The following EXOC4 variants were observed in gnomAD, a reference collection of about 807,000 sequenced individuals.
EXOC4 encodes the protein SEC8-like 1.
EXOC4 carries 71 observed loss-of-function variants against 107.2 expected under a neutral mutation model. The ratio of observed to expected loss-of-function variants is 0.66; its 90% CI spans 0.55 to 0.81. The LOEUF is 0.81. Among genes scored for constraint, EXOC4 ranks in the 30% least tolerant of loss-of-function variants. The pLI is 0.00. For missense variants in EXOC4, 1,108 were observed against 1,189.6 expected, an observed-to-expected ratio of 0.93 and a Z score of 1.01; for synonymous variants, 456 against 441.2, an observed-to-expected ratio of 1.03 and a Z score of -0.42.
At chr7:133,261,865 C>T (rs1471583757) in intron 1 of EXOC4, among the ~76,000 whole-genome samples, 6 of 152,064 alleles carry the variant, frequency 3.9e-5, no homozygotes, top group Non-Finnish European at 7.4e-5. Context: ...ATCATTATTT[C>T]CTCTAATCCT....
chr7:133,489,044 A>T (rs902912747), intron 9 of EXOC4, among the ~76,000 whole-genome samples: 1 of 149,548 alleles, frequency 6.7e-6, no homozygotes, highest in African/African-American at 2.4e-5. Flanking sequence ...AATATATATA[A>T]AATCTAATGT....
At chr7:133,514,507 G>A (rs1248164727) in intron 9 of EXOC4, among the ~76,000 whole-genome samples, 1 of 152,032 alleles carries the variant, frequency 6.6e-6, no homozygotes, top group Non-Finnish European at 1.5e-5. Context: ...TTTTCTCCAT[G>A]TAATTTCTGA....
intron 10 of EXOC4, among the ~76,000 whole-genome samples, chr7:133,728,339 CTA>C (rs1197909109): frequency 1.3e-5 from 2 of 152,162 alleles, no homozygotes; most frequent in Non-Finnish European, 2.9e-5. Flanking sequence ...TTCTGTGACA[CTA>C]TGTACTGGGG....
intron 14 of EXOC4, among the ~76,000 whole-genome samples, chr7:133,970,773 C>G (rs1801202260): frequency 6.6e-6 from 1 of 151,830 alleles, no homozygotes; most frequent in Non-Finnish European, 1.5e-5. Flanking sequence ...AGCTACCAAC[C>G]CGAGCTGTTC....
intron 9 of EXOC4, among the ~76,000 whole-genome samples, chr7:133,516,564 T>A (rs1799879037): frequency 6.6e-6 from 1 of 152,108 alleles, no homozygotes; most frequent in Non-Finnish European, 1.5e-5. Flanking sequence ...ATTTTATATA[T>A]CTCTTCATGA....
intron 7 of EXOC4, among the ~76,000 whole-genome samples, chr7:133,380,313 G>T (rs1051748717): frequency 1.3e-5 from 2 of 151,744 alleles, no homozygotes; most frequent in Non-Finnish European, 2.9e-5. Context: ...TGGGGATTCT[G>T]TCTTTAAGTT....
intron 5 of EXOC4, among the ~76,000 whole-genome samples, chr7:133,336,977 CCCT>C (rs1795531517): frequency 6.6e-6 from 1 of 152,092 alleles, no homozygotes; most frequent in Non-Finnish European, 1.5e-5. Flanking sequence ...TCGTGATCCA[CCCT>C]CCTCAGCCTC....
chr7:133,475,009 A>C (rs975908669), intron 7 of EXOC4, among the ~76,000 whole-genome samples: 1 of 152,208 alleles, frequency 6.6e-6, no homozygotes, highest in Non-Finnish European at 1.5e-5. Context: ...TATGAGGATT[A>C]AATTGTGATT....
At chr7:133,606,520 T>TTATTA (rs1166186900) in intron 9 of EXOC4, among the ~76,000 whole-genome samples, 3 of 132,786 alleles carry the variant, frequency 2.3e-5, no homozygotes, top group African/African-American at 9.6e-5. Flanking sequence ...TATTATTATT[T>TTATTA]TTTTTTTTTT....
chr7:133,810,716 T>A (rs1204352116), intron 10 of EXOC4, among the ~76,000 whole-genome samples: 1 of 152,026 alleles, frequency 6.6e-6, no homozygotes, highest in South Asian at 2.1e-4. Flanking sequence ...CACTGCAACC[T>A]CCGCCTCCCA....
intron 13 of EXOC4, among the ~76,000 whole-genome samples, chr7:133,930,223 A>T (rs1800146229): frequency 6.6e-6 from 1 of 152,198 alleles, no homozygotes; most frequent in Admixed American, 6.5e-5. Flanking sequence ...CATGCATGTT[A>T]TACAGTGACT....
intron 10 of EXOC4, among the ~76,000 whole-genome samples, chr7:133,659,439 G>A (rs1031660472): frequency 6.6e-6 from 1 of 152,048 alleles, no homozygotes; most frequent in African/African-American, 2.4e-5. Flanking sequence ...CCATGCCTGC[G>A]TTCTGGGGAA....
At chr7:133,665,190 T>C (rs1206597860) in intron 10 of EXOC4, among the ~76,000 whole-genome samples, 2 of 152,188 alleles carry the variant, frequency 1.3e-5, no homozygotes, top group Non-Finnish European at 2.9e-5. Context: ...TCTTCCACTT[T>C]CCATGCATTT....
Position 134,064,628 on chromosome 7 carries a change from T to TATCACTGTA in EXOC4, c.*100_*101insATCACTGTA. 1 of 803,656 alleles carries TATCACTGTA rather than the reference T, an allele frequency of 1.2e-6. No individual in the cohort carries two copies. The highest frequency in any genetic ancestry group is 1.9e-6 in the Non-Finnish European group (1 of 520,692). The allele number at this position is 803,656 out of a possible 1,614,324, so 49.8% of individuals were successfully genotyped here. On this transcript the variant is annotated 3_prime_UTR_variant, in exon 18 of 18. Coordinates refer to ENST00000253861, the MANE Select transcript of EXOC4 (RefSeq NM_021807.4). ...ATTCTGAGCTTAGTTTTCTCTACAGTGATACTTTAGTGGAGAGGAGGTGTA... is the reference window on the plus strand; with the variant it reads ...ATTCTGAGCTTAGTTTTCTCTACAGTATCACTGTAGATACTTTAGTGGAGAGGAGGTGTA...
intron 14 of EXOC4, among the ~76,000 whole-genome samples, chr7:133,970,474 G>A (rs1585288608): frequency 6.6e-6 from 1 of 152,018 alleles, no homozygotes; most frequent in Non-Finnish European, 1.5e-5. Context: ...GCCTGGTGGT[G>A]TAGGCACCAG....
At chr7:133,669,511 G>C (rs573348893) in intron 10 of EXOC4, among the ~76,000 whole-genome samples, 1 of 152,328 alleles carries the variant, frequency 6.6e-6, no homozygotes, top group Non-Finnish European at 1.5e-5. Flanking sequence ...GGAAAGTTTA[G>C]AATGGAAACT....
At chr7:133,416,984 A>G (rs1317061195) in intron 7 of EXOC4, among the ~76,000 whole-genome samples, 1 of 152,182 alleles carries the variant, frequency 6.6e-6, no homozygotes, top group Non-Finnish European at 1.5e-5. Context: ...ACAGATGTCT[A>G]AATGCATTGT....
chr7:133,516,072 A>C (rs1206110389), intron 9 of EXOC4, among the ~76,000 whole-genome samples: 1 of 152,192 alleles, frequency 6.6e-6, no homozygotes, highest in Admixed American at 6.5e-5. Context: ...TCGATGCATC[A>C]CTATTGAAAT....
intron 17 of EXOC4, among the ~76,000 whole-genome samples, chr7:134,009,654 A>G (rs1794722430): frequency 6.6e-6 from 1 of 152,216 alleles, no homozygotes; most frequent in Non-Finnish European, 1.5e-5. Flanking sequence ...GAATGATCTC[A>G]TTATTGAATT....
Sources: gnomAD v4.1 joint callset for allele counts (sites outside exome capture counted in the v4.1 genomes callset) on GRCh38, gnomAD v4.1.1 for gene constraint, MANE v1.5 for transcripts, NCBI Gene and HGNC (gene_info 2026-07-23, HGNC 2026-07-21) for gene names.